Variants in NTMT2 observed in about 807,000 individuals in gnomAD.
NTMT2 encodes N-terminal Xaa-Pro-Lys N-methyltransferase 2, also known as X-Pro-Lys N-terminal protein methyltransferase 1B.
Under a neutral mutation model 23.4 loss-of-function variants are expected in NTMT2, and 21 were observed. That is an observed-to-expected ratio of 0.90 (90% CI 0.64 to 1.29). The LOEUF is 1.29. Among genes scored for constraint, NTMT2 ranks in the 50% most tolerant of loss-of-function variants. NTMT2 has a pLI of 0.00. For missense variants in NTMT2, 336 were observed against 352.0 expected (o/e 0.95, Z 0.36); for synonymous variants, 131 against 127.7 (o/e 1.03, Z -0.17).
chr1:170,147,720 T>C (rs550685446), intron 1 of NTMT2, among the ~76,000 whole-genome samples: 117 of 152,002 alleles, frequency 7.7e-4, no homozygotes, highest in Non-Finnish European at 1.5e-3. Flanking sequence ...GAGAAGAGAG[T>C]CACTAACAGG....
intron 1 of NTMT2, among the ~76,000 whole-genome samples, chr1:170,160,075 C>T (rs72715956): frequency 1.1e-4 from 17 of 152,118 alleles, no homozygotes; most frequent in Admixed American, 7.2e-4. Context: ...CCCTACCTTG[C>T]GATTAGAAGT....
At chr1:170,164,796 A>C (rs561137637) in intron 2 of NTMT2, among the ~76,000 whole-genome samples, 1 of 152,330 alleles carries the variant, frequency 6.6e-6, no homozygotes, top group East Asian at 1.9e-4. Context: ...ATTAGCTATG[A>C]AATATTAGAA....
chr1:170,165,820 A>T (rs1673367481), intron 2 of NTMT2, among the ~76,000 whole-genome samples: 1 of 146,736 alleles, frequency 6.8e-6, no homozygotes, highest in African/African-American at 2.5e-5. Context: ...TTTTATCTTC[A>T]TAGGGCTAGC....
chr1:170,150,240 G>A (rs1673042753), intron 1 of NTMT2, among the ~76,000 whole-genome samples: 1 of 152,152 alleles, frequency 6.6e-6, no homozygotes, highest in Non-Finnish European at 1.5e-5. Context: ...CAGTCATGGG[G>A]AAATTTGCTG....
chr1:170,146,264 A>C lies in NTMT2; in HGVS notation c.154+3A>C. 6.5e-7 allele frequency: 1 copy of C among 1,549,762 alleles called. No individual in the cohort carries two copies. The highest frequency in any genetic ancestry group is 1.4e-5 in the African/African-American group (1 of 72,610). On this transcript the variant is annotated splice_donor_region_variant and intron_variant, in intron 1 of 3. Transcript: ENST00000439373. ...CCTGCTGGAAAAAATTCCCCTGGGT[A>C]AGTGAGTCAGAGCTACTAGATAAGA...
At chr1:170,166,125 C>CTTTTTTTTTTTTTTTTTTTTTTT (rs1420113193) in intron 2 of NTMT2, among the ~76,000 whole-genome samples, 1 of 112,568 alleles carries the variant, frequency 8.9e-6, no homozygotes, top group Non-Finnish European at 1.7e-5. Flanking sequence ...AATTTTCTTT[C>CTTTTTTTTTTTTTTTTTTTTTTT]TTTTTTTTTT....
At chr1:170,167,226 A>G (rs1673412706) in intron 3 of NTMT2, among the ~76,000 whole-genome samples, 1 of 152,168 alleles carries the variant, frequency 6.6e-6, no homozygotes, top group Non-Finnish European at 1.5e-5. Context: ...CTTGTGGGGT[A>G]GACAATAACT....
chr1:170,146,116 C>T lies in NTMT2; in HGVS notation c.9C>T (p.His3=). 3 of 1,551,162 alleles carry T rather than the reference C, an allele frequency of 1.9e-6. No individual in the cohort carries two copies. The highest frequency in any genetic ancestry group is 2.6e-6 in the Non-Finnish European group (3 of 1,146,704). Residue 3 remains histidine, a synonymous_variant, in exon 1 of 4, where the codon CAC becomes CAT. Coordinates refer to ENST00000439373, the MANE Select transcript of NTMT2 (RefSeq NM_001136107.2). MA[H]RGAHFAFRSR... ...TATTATCCCCCTTTGTCATGGCCCA[C>T]CGGGGAGCCCATTTTGCCTTTAGAT... is the stretch of plus-strand genomic sequence containing the variant.
At chr1:170,159,864 T>A (rs571685191) in intron 1 of NTMT2, among the ~76,000 whole-genome samples, 1 of 152,402 alleles carries the variant, frequency 6.6e-6, no homozygotes, top group African/African-American at 2.4e-5. Context: ...ATTTTTCTTA[T>A]ACATTTTTGA....
intron 1 of NTMT2, among the ~76,000 whole-genome samples, chr1:170,159,153 C>T (rs1020487523): frequency 6.6e-6 from 1 of 152,118 alleles, no homozygotes; most frequent in Non-Finnish European, 1.5e-5. Context: ...AGAAGCCCTA[C>T]ATGTGCAGGT....
At chr1:170,165,956 G>C (rs1328136561) in intron 2 of NTMT2, among the ~76,000 whole-genome samples, 1 of 151,310 alleles carries the variant, frequency 6.6e-6, no homozygotes, top group Non-Finnish European at 1.5e-5. Flanking sequence ...GAAATGTTTA[G>C]CTGTTTTTTG....
At position 170,168,001 on chromosome 1, in the gene NTMT2, C is replaced by T. The variant is rs1462965044; in HGVS notation, c.*244C>T. 2.0e-5 allele frequency among the ~76,000 whole-genome samples: 3 copies of T among 151,980 alleles called. No homozygotes were observed. Among genetic ancestry groups the T allele is most frequent in the South Asian group, 2.1e-4 (1 of 4,810 alleles). On this transcript the variant is annotated 3_prime_UTR_variant, in exon 4 of 4. Transcript: ENST00000439373. ...AAAAATGGAGTGAAATATCAGGAAA[C>T]GTGCTTTAAATCCGTTTGTATGTAT...
intron 3 of NTMT2, 47 bp from the exon 4 acceptor site, chr1:170,167,439 C>T: frequency 6.7e-7 from 1 of 1,485,104 alleles, no homozygotes; most frequent in Non-Finnish European, 9.0e-7. Flanking sequence ...CTTCCATCCT[C>T]CCCACCATTT....
At chr1:170,153,229 A>C (rs567937445) in intron 1 of NTMT2, among the ~76,000 whole-genome samples, 40 of 152,366 alleles carry the variant, frequency 2.6e-4, no homozygotes, top group Non-Finnish European at 5.6e-4. Flanking sequence ...GTATTTCTTT[A>C]TAGCAATGCA....
At chr1:170,161,020 A>G (rs1193460750) in intron 2 of NTMT2, among the ~76,000 whole-genome samples, 1 of 152,240 alleles carries the variant, frequency 6.6e-6, no homozygotes, top group Admixed American at 6.5e-5. Context: ...TAAACGTTTC[A>G]TACCCAAATG....
At chr1:170,156,935 T>C (rs868164910) in intron 1 of NTMT2, among the ~76,000 whole-genome samples, 21 of 152,146 alleles carry the variant, frequency 1.4e-4, no homozygotes, top group African/African-American at 5.1e-4. Flanking sequence ...AAGCAGGTGA[T>C]GATGAGTGTG....
chr1:170,155,029 C>T (rs187645160), intron 1 of NTMT2, among the ~76,000 whole-genome samples: 10 of 144,856 alleles, frequency 6.9e-5, no homozygotes, highest in Admixed American at 4.0e-4. Flanking sequence ...CTTGCTCCTG[C>T]TCTGCCATGT....
In NTMT2 at chr1:170,162,916, C is replaced by T. The variant is rs115766404; in HGVS notation, c.330+2223C>T. 7.4e-3 allele frequency among the ~76,000 whole-genome samples: 1,122 copies of T among 151,810 alleles called. 10 individuals carry two copies. Among genetic ancestry groups the T allele is most frequent in the African/African-American group, 0.024 (994 of 41,358 alleles). Reference sequence around the variant, plus strand: ...TACTTTTTTGGTGGACCATAGACCTCGACTCTCCTCCAGTCTGGCTGAAAG... The same window carrying T: ...TACTTTTTTGGTGGACCATAGACCTTGACTCTCCTCCAGTCTGGCTGAAAG... On this transcript the variant is annotated intron_variant, in intron 2 of 3. Coordinates refer to ENST00000439373, the MANE Select transcript of NTMT2 (RefSeq NM_001136107.2).
At chr1:170,165,839 ATTT>A (rs3040075) in intron 2 of NTMT2, among the ~76,000 whole-genome samples, 2 of 146,006 alleles carry the variant, frequency 1.4e-5, no homozygotes, top group African/African-American at 2.5e-5. Context: ...GCAATGGCTC[ATTT>A]TTTTTTTTTT....
Sources: gnomAD v4.1 joint callset for allele counts (sites outside exome capture counted in the v4.1 genomes callset) on GRCh38, gnomAD v4.1.1 for gene constraint, MANE v1.5 for transcripts, NCBI Gene and HGNC (gene_info 2026-07-23, HGNC 2026-07-21) for gene names.